TMEM119: variants seen among roughly 807,000 people sequenced by gnomAD.
TMEM119 encodes osteoblast induction factor.
For synonymous variants in TMEM119, 182 were observed against 176.4 expected (o/e 1.03, Z -0.25); for missense variants, 410 against 381.0 (o/e 1.08, Z -0.63).
At chr12:108,594,053 G>A (rs1201672877) in intron 1 of TMEM119, 1 of 152,308 alleles carries the variant, frequency 6.6e-6, no homozygotes, top group African/African-American at 2.4e-5. Context: ...GCAAGTTCCG[G>A]GCTGGAGGAG....
intron 1 of TMEM119, among the ~76,000 whole-genome samples, chr12:108,596,949 G>C (rs763596135): frequency 6.6e-6 from 1 of 152,202 alleles, no homozygotes; most frequent in Middle Eastern, 3.2e-3. Context: ...GTCACTTCCC[G>C]GCTATGTGTC....
chr12:108,597,725 G>A (rs1186095328), intron 1 of TMEM119, among the ~76,000 whole-genome samples: 1 of 151,904 alleles, frequency 6.6e-6, no homozygotes, highest in African/African-American at 2.4e-5. Flanking sequence ...CAGAAAAGTG[G>A]AAGCAACACA....
intron 1 of TMEM119, among the ~76,000 whole-genome samples, chr12:108,596,429 A>AAC (rs34838480): frequency 0.2 from 29,993 of 150,290 alleles, 3,132 homozygotes; most frequent in South Asian, 0.28. Context: ...ATATACATAC[A>AAC]ACACACACAC....
chr12:108,594,867 A>G (rs1237245702), intron 1 of TMEM119, among the ~76,000 whole-genome samples: 1 of 152,204 alleles, frequency 6.6e-6, no homozygotes, highest in Non-Finnish European at 1.5e-5. Context: ...AGCCTGGGCA[A>G]CATAAGGAAA....
rs2031376859 is a variant in TMEM119, at chr12:108,590,734, AACCT to A, written c.*794_*797del. The A allele has an allele frequency of 6.6e-6, 1 of 152,076 alleles. No individual in the cohort carries two copies. The highest frequency in any genetic ancestry group is 1.5e-5 in the Non-Finnish European group (1 of 68,040). 9.4% of individuals were successfully genotyped at this position (152,076 alleles called of 1,614,324 possible). A position where few individuals can be genotyped will look rare whatever the true frequency, so the allele number is the denominator to read the frequency against. ...CTTGTTTCCGTAGAGTGCCTCGGGG[AACCT>A]AGTTTGGGAAATGCTCATTTAGGGA... On this transcript the variant is annotated 3_prime_UTR_variant, in exon 2 of 2. Coordinates refer to ENST00000392806, the MANE Select transcript of TMEM119 (RefSeq NM_181724.3).
intron 1 of TMEM119, among the ~76,000 whole-genome samples, chr12:108,594,938 T>G (rs561498236): frequency 1.6e-4 from 25 of 152,238 alleles, no homozygotes; most frequent in Middle Eastern, 3.4e-3. Context: ...ACAAAGCTTC[T>G]CAGGGGCTCA....
chr12:108,596,274 T>G (rs1442089001), intron 1 of TMEM119, among the ~76,000 whole-genome samples: 1 of 152,106 alleles, frequency 6.6e-6, no homozygotes, highest in Non-Finnish European at 1.5e-5. Context: ...CACTGTCTGG[T>G]CCGGCCGCCA....
intron 1 of TMEM119, among the ~76,000 whole-genome samples, chr12:108,597,509 C>G (rs1188574644): frequency 6.6e-6 from 1 of 151,920 alleles, no homozygotes; most frequent in African/African-American, 2.4e-5. Context: ...TAAAGACACA[C>G]AACACAGGCA....
rs370257079 is a variant in TMEM119 at position 108,596,281 on chromosome 12, G to A, written c.-15+1689C>T. ...CATGCGCTCACTGTCTGGTCCGGCC[G>A]CCACCCAGTGAAAGACCAACCTTTT... On this transcript the variant is annotated intron_variant, in intron 1 of 1. Coordinates refer to ENST00000392806, the MANE Select transcript of TMEM119 (RefSeq NM_181724.3). Among the ~76,000 whole-genome samples, 10 of 152,194 alleles carry A rather than the reference G, an allele frequency of 6.6e-5. No individual in the cohort carries two copies. In the South Asian group the frequency reaches 1.7e-3, roughly 25 times the overall value.
chr12:108,592,248 C>G lies in TMEM119; in HGVS notation c.136G>C (p.Gly46Arg). The G allele has an allele frequency of 6.3e-7, 1 of 1,597,958 alleles. No individual in the cohort carries two copies. Among genetic ancestry groups the G allele is most frequent in the South Asian group, 1.1e-5 (1 of 90,150 alleles). ...AGGCTCGGGGAGGAGGCCGACGAGCCCTCGGCCTCCCCACTACCCGCCACA... is the reference window on the plus strand; with the variant it reads ...AGGCTCGGGGAGGAGGCCGACGAGCGCTCGGCCTCCCCACTACCCGCCACA... ...EDVAGSGEAEGSSASSPSLPP... is the reference protein window; with the variant it reads ...EDVAGSGEAERSSASSPSLPP... The change falls in exon 2 of 2, where the codon GGC (glycine) becomes CGC (arginine). Residue 46 changes from glycine (G) to arginine (R), a missense_variant. Gly to Arg is a moderately radical substitution (Grantham distance 125). Coordinates refer to ENST00000392806, the MANE Select transcript of TMEM119 (RefSeq NM_181724.3). This position sits in a 1 kb window ranked among gnomAD's most constrained non-coding sequence, Gnocchi z 4.3.
rs2031442511 is a variant in TMEM119 at position 108,592,906 on chromosome 12, A to T, written c.-14-509T>A. ...GTCTGGATCCAAGCAGAGAGGGAGAAATGATAGTAGGGCTGAGTAAGTGAG... is the reference window on the plus strand; with the variant it reads ...GTCTGGATCCAAGCAGAGAGGGAGATATGATAGTAGGGCTGAGTAAGTGAG... On this transcript the variant is annotated intron_variant, in intron 1 of 1. Coordinates refer to ENST00000392806, the MANE Select transcript of TMEM119 (RefSeq NM_181724.3). This position sits in a 1 kb window ranked among gnomAD's most constrained non-coding sequence, Gnocchi z 4.3. Among the ~76,000 whole-genome samples, 1 of 151,756 alleles carries T rather than the reference A, an allele frequency of 6.6e-6. No individual in the cohort carries two copies. The highest frequency in any genetic ancestry group is 1.5e-5 in the Non-Finnish European group (1 of 67,954).
At position 108,592,036 on chromosome 12, in the gene TMEM119, G is replaced by T; in HGVS notation, c.348C>A (p.Val116=). 6.2e-7 allele frequency: 1 copy of T among 1,614,140 alleles called. No individual in the cohort carries two copies. The highest frequency in any genetic ancestry group is 1.1e-5 in the South Asian group (1 of 91,072). ...FLLMFIVCAA[V]ITRQKQKASA... is the part of the protein sequence containing the mutation. ...AGGCCTTCTGCTTCTGCCGGGTGATGACCGCGGCACAGACGATGAACATCA... is the reference window on the plus strand; with the variant it reads ...AGGCCTTCTGCTTCTGCCGGGTGATTACCGCGGCACAGACGATGAACATCA... The change falls in exon 2 of 2, where the codon GTC becomes GTA. Residue 116 remains valine (V), a synonymous_variant. Coordinates refer to ENST00000392806, the MANE Select transcript of TMEM119 (RefSeq NM_181724.3). The surrounding 1 kb of genome is among the most constrained non-coding windows in gnomAD (Gnocchi z 4.3).
rs1402302501 is a variant in TMEM119 at position 108,592,234 on chromosome 12, G to C, written c.150C>G (p.Ser50=). Residue 50 remains serine, a synonymous_variant, in exon 2 of 2, where the codon TCC becomes TCG. Coordinates refer to ENST00000392806, the MANE Select transcript of TMEM119 (RefSeq NM_181724.3). The surrounding 1 kb of genome is among the most constrained non-coding windows in gnomAD (Gnocchi z 4.3). ...TCCAGGGTGGCGGGAGGCTCGGGGA[G>C]GAGGCCGACGAGCCCTCGGCCTCCC... ...GSGEAEGSSA[S]SPSLPPPWTP... is the part of the protein sequence containing the mutation. The C allele has an allele frequency of 6.2e-7, 1 of 1,609,956 alleles. No homozygotes were observed. Among genetic ancestry groups the C allele is most frequent in the Non-Finnish European group, 8.5e-7 (1 of 1,178,884 alleles).
rs751188564 is a variant in TMEM119, at chr12:108,591,942, G to T, written c.442C>A (p.Arg148=). 1 of 1,612,268 alleles carries T rather than the reference G, an allele frequency of 6.2e-7. No homozygotes were observed. The highest frequency in any genetic ancestry group is 1.3e-5 in the African/African-American group (1 of 74,882). ...VDQSDRAGGP[R]AFSEVPDRAP... is the part of the protein sequence containing the mutation. Reference sequence around the variant, plus strand: ...CTGTCGGGGACCTCACTGAAGGCCCGGGGGCCCCCGGCCCGGTCACTCTGG... The same window carrying T: ...CTGTCGGGGACCTCACTGAAGGCCCTGGGGCCCCCGGCCCGGTCACTCTGG... Residue 148 remains arginine (R), a synonymous_variant, in exon 2 of 2, where the codon CGG becomes AGG. Transcript: ENST00000392806. The surrounding 1 kb of genome is among the most constrained non-coding windows in gnomAD (Gnocchi z 4.2).
rs748379066 is a variant in TMEM119, at chr12:108,592,149, G to T, written c.235C>A (p.Pro79Thr). 3.1e-6 allele frequency: 5 copies of T among 1,613,986 alleles called. No homozygotes were observed. The highest frequency in any genetic ancestry group is 1.1e-5 in the South Asian group (1 of 91,094). ...PQPITLGGPSPPTNFLDGIVD... is the reference protein window; with the variant it reads ...PQPITLGGPSTPTNFLDGIVD... ...ATCCCATCCAGGAAGTTGGTGGGGGGTGATGGGCCCCCCAGGGTTATGGGC... is the reference window on the plus strand; with the variant it reads ...ATCCCATCCAGGAAGTTGGTGGGGGTTGATGGGCCCCCCAGGGTTATGGGC... The change falls in exon 2 of 2, where the codon CCC becomes ACC. Residue 79 changes from proline to threonine, a missense_variant. Physicochemically the swap from Pro to Thr is conservative, Grantham distance 38. Transcript: ENST00000392806. This position sits in a 1 kb window ranked among gnomAD's most constrained non-coding sequence, Gnocchi z 4.3.
chr12:108,593,076 C>T (rs966411680), intron 1 of TMEM119, among the ~76,000 whole-genome samples: 5 of 152,146 alleles, frequency 3.3e-5, no homozygotes, highest in South Asian at 2.1e-4. Flanking sequence ...AAAGTGGCTC[C>T]GCGCGGCCAC....
chr12:108,593,485 T>C (rs1161650014), intron 1 of TMEM119, among the ~76,000 whole-genome samples: 1 of 150,298 alleles, frequency 6.7e-6, no homozygotes. Context: ...GTTTGAAGCC[T>C]CCAGGTCTCT....
rs1187134095 is a variant in TMEM119 at position 108,590,522 on chromosome 12, C to T, written c.*1010G>A. ...GACCAGCCTGGCCAACATGGTGAAG[C>T]CCCATCTCTACTAAAAATACAAAAT... On this transcript the variant is annotated 3_prime_UTR_variant, in exon 2 of 2. Coordinates refer to ENST00000392806, the MANE Select transcript of TMEM119 (RefSeq NM_181724.3). 2 of 152,116 alleles carry T rather than the reference C, an allele frequency of 1.3e-5. No homozygotes were observed. Among genetic ancestry groups the T allele is most frequent in the African/African-American group, 4.8e-5 (2 of 41,428 alleles). 9.4% of individuals were successfully genotyped at this position (152,116 alleles called of 1,614,324 possible).
Position 108,592,507 on chromosome 12 carries a change from G to A in TMEM119, c.-14-110C>T, listed in dbSNP as rs2031431669. On this transcript the variant is annotated intron_variant, in intron 1 of 1. Coordinates refer to ENST00000392806, the MANE Select transcript of TMEM119 (RefSeq NM_181724.3). This position sits in a 1 kb window ranked among gnomAD's most constrained non-coding sequence, Gnocchi z 4.3. ...AACAGGGAGCATGAAACACCTTCTAGCAAGTCCCTTCCATTCCCAGGGCCT... is the reference window on the plus strand; with the variant it reads ...AACAGGGAGCATGAAACACCTTCTAACAAGTCCCTTCCATTCCCAGGGCCT... 1 of 1,222,080 alleles carries A rather than the reference G, an allele frequency of 8.2e-7. No homozygotes were observed. The highest frequency in any genetic ancestry group is 1.1e-6 in the Non-Finnish European group (1 of 902,464). 75.7% of individuals were successfully genotyped at this position (1,222,080 alleles called of 1,614,324 possible). A position where few individuals can be genotyped will look rare whatever the true frequency, so the allele number is the denominator to read the frequency against.
Sources: gnomAD v4.1 joint callset for allele counts (sites outside exome capture counted in the v4.1 genomes callset) on GRCh38, gnomAD v4.1.1 for gene constraint, Gnocchi (gnomAD v3.1) non-coding constraint, MANE v1.5 for transcripts, NCBI Gene and HGNC (gene_info 2026-07-23, HGNC 2026-07-21) for gene names.